OSBPL10: variants seen among roughly 807,000 people sequenced by gnomAD.
The protein encoded by OSBPL10 is oxysterol-binding protein-related protein 10.
OSBPL10 carries 49 observed loss-of-function variants against 81.7 expected under a neutral mutation model. That is an observed-to-expected ratio of 0.60 (90% CI 0.48 to 0.76). The LOEUF (loss-of-function observed/expected upper bound fraction) is 0.76, where lower values mean the gene tolerates loss of function less well. Among genes scored for constraint, OSBPL10 ranks in the 30% least tolerant of loss-of-function variants. The probability of loss-of-function intolerance (pLI) is 0.00; values close to 1 mark genes in which losing one functional copy is unlikely to be tolerated. For missense variants in OSBPL10, 923 were observed against 987.8 expected (o/e 0.93, Z 0.88); for synonymous variants, 419 against 383.6 (o/e 1.09, Z -1.08).
intron 1 of OSBPL10, among the ~76,000 whole-genome samples, chr3:31,934,224 A>G (rs1322206136): frequency 3.3e-5 from 5 of 151,986 alleles, no homozygotes; most frequent in African/African-American, 1.2e-4. Context: ...GGTAACAGCT[A>G]CTCAGGAGGC....
intron 7 of OSBPL10, among the ~76,000 whole-genome samples, chr3:31,691,139 TC>T (rs758414315): frequency 1.2e-4 from 18 of 152,094 alleles, no homozygotes; most frequent in African/African-American, 1.7e-4. Flanking sequence ...TGCCTTTTCT[TC>T]CGTTAACATA....
At position 31,913,251 on chromosome 3, in the gene OSBPL10, T is replaced by C. The variant is rs574142758; in HGVS notation, c.282-33421A>G. ...AGGTTTTTTTTTTTATTTTGTTTTTTGTTTTTTTTTTCTTTAAGATGGAGT... is the reference window on the plus strand; with the variant it reads ...AGGTTTTTTTTTTTATTTTGTTTTTCGTTTTTTTTTTCTTTAAGATGGAGT... On this transcript the variant is annotated intron_variant, in intron 1 of 11. Coordinates refer to ENST00000396556, the MANE Select transcript of OSBPL10 (RefSeq NM_017784.5). 7.9e-5 allele frequency among the ~76,000 whole-genome samples: 12 copies of C among 151,502 alleles called. No individual in the cohort carries two copies. The South Asian group carries it at 1.0e-3, about 13-fold the overall frequency.
intron 5 of OSBPL10, among the ~76,000 whole-genome samples, chr3:31,745,636 G>A (rs1697496388): frequency 6.6e-6 from 1 of 152,180 alleles, no homozygotes; most frequent in South Asian, 2.1e-4. Flanking sequence ...CTGCCACAGT[G>A]GAAAGAGCCT....
At chr3:31,853,168 A>G (rs1482593256) in intron 3 of OSBPL10, among the ~76,000 whole-genome samples, 2 of 152,216 alleles carry the variant, frequency 1.3e-5, no homozygotes, top group Non-Finnish European at 2.9e-5. Flanking sequence ...TGAAAAATAA[A>G]TATCCTAATA....
At chr3:31,889,172 A>C (rs1327361199) in intron 1 of OSBPL10, among the ~76,000 whole-genome samples, 1 of 152,210 alleles carries the variant, frequency 6.6e-6, no homozygotes, top group East Asian at 1.9e-4. Context: ...GAAGATACAA[A>C]GAAAAGGGAA....
At chr3:32,032,354 G>C (rs1699477816) in intron 2 of OSBPL10, among the ~76,000 whole-genome samples, 1 of 152,130 alleles carries the variant, frequency 6.6e-6, no homozygotes, top group African/African-American at 2.4e-5. Flanking sequence ...GGCAGAGGTT[G>C]CAGTGAGCCG....
At chr3:31,671,127 C>T (rs1700313973) in intron 8 of OSBPL10, 144 bp from the exon 9 acceptor site, 6 of 774,304 alleles carry the variant, frequency 7.7e-6, no homozygotes, top group Non-Finnish European at 1.2e-5. Flanking sequence ...TGCTCGTTCA[C>T]TGTGGGCTCT....
In OSBPL10 at chr3:31,702,488, C is replaced by A; in HGVS notation, c.1116G>T (p.Leu372Phe). Residue 372 changes from leucine (L) to phenylalanine (F), a missense_variant, in exon 7 of 12, where the codon TTG (leucine) becomes TTT (phenylalanine). Leu to Phe is a conservative substitution (Grantham distance 22). Transcript: ENST00000396556. ...PEPEPNSGSE[L>F]VLSEDEKSDN... ...CACTTTTTTCATCTTCAGACAAAAC[C>A]AATTCAGAGCCTGAGTTTGGCTAAA... The A allele has an allele frequency of 6.2e-7, 1 of 1,614,164 alleles. No individual in the cohort carries two copies. Among genetic ancestry groups the A allele is most frequent in the Non-Finnish European group, 8.5e-7 (1 of 1,180,012 alleles).
At chr3:31,935,670 A>AC in intron 1 of OSBPL10, among the ~76,000 whole-genome samples, 1 of 151,408 alleles carries the variant, frequency 6.6e-6, no homozygotes, top group East Asian at 2.0e-4. Context: ...ATTACAGGTG[A>AC]CCCCCACCAC....
intron 4 of OSBPL10, among the ~76,000 whole-genome samples, chr3:31,766,489 C>A (rs1902338): frequency 0.57 from 86,566 of 151,566 alleles, 28,669 homozygotes; most frequent in East Asian, 0.8. Flanking sequence ...AGTATAGGCT[C>A]ACACCATGAC....
intron 1 of OSBPL10, among the ~76,000 whole-genome samples, chr3:31,952,776 T>C (rs1224631872): frequency 6.6e-6 from 1 of 152,104 alleles, no homozygotes; most frequent in Non-Finnish European, 1.5e-5. Flanking sequence ...CCTTGTGTGG[T>C]TATTAGAATT....
At chr3:31,701,953 C>CGT in intron 7 of OSBPL10, 2 of 165,166 alleles carry the variant, frequency 1.2e-5, no homozygotes, top group South Asian at 1.8e-4. Context: ...TTCCTGGTGC[C>CGT]ACCATTTCCC....
intron 1 of OSBPL10, among the ~76,000 whole-genome samples, chr3:31,920,020 T>C (rs1322666893): frequency 6.6e-6 from 1 of 152,222 alleles, no homozygotes; most frequent in East Asian, 1.9e-4. Context: ...GAATAATGAC[T>C]ATGAGTTCTG....
At chr3:32,016,426 T>C (rs1559549789) in intron 2 of OSBPL10, among the ~76,000 whole-genome samples, 1 of 151,864 alleles carries the variant, frequency 6.6e-6, no homozygotes, top group Non-Finnish European at 1.5e-5. Flanking sequence ...AAGGGGAACA[T>C]CACACACTGG....
At chr3:32,041,498 G>A (rs1413387951) in intron 2 of OSBPL10, among the ~76,000 whole-genome samples, 1 of 152,052 alleles carries the variant, frequency 6.6e-6, no homozygotes, top group East Asian at 1.9e-4. Context: ...AGCACACTTA[G>A]GACAGGCTTT....
intron 5 of OSBPL10, among the ~76,000 whole-genome samples, chr3:31,740,728 G>C (rs1265343212): frequency 6.6e-6 from 1 of 151,498 alleles, no homozygotes; most frequent in Non-Finnish European, 1.5e-5. Flanking sequence ...GATTGTGCCT[G>C]TGAAGAGCTA....
At chr3:31,926,802 C>T (rs1291633887) in intron 1 of OSBPL10, among the ~76,000 whole-genome samples, 1 of 152,132 alleles carries the variant, frequency 6.6e-6, no homozygotes, top group Non-Finnish European at 1.5e-5. Context: ...ACTTCCTCAG[C>T]CACCTACAAA....
chr3:31,703,494 A>G (rs902030967), intron 6 of OSBPL10: 1 of 152,240 alleles, frequency 6.6e-6, no homozygotes, highest in African/African-American at 2.4e-5. Context: ...CCAAATGTCC[A>G]TGCAAAAAAC....
intron 8 of OSBPL10, among the ~76,000 whole-genome samples, chr3:31,681,819 A>T (rs556182034): frequency 3.9e-4 from 60 of 152,228 alleles, no homozygotes; most frequent in Non-Finnish European, 6.0e-4. Flanking sequence ...TAAATATTTT[A>T]TCTCAGCCAG....
Sources: allele counts gnomAD v4.1 joint callset (sites outside exome capture counted in the v4.1 genomes callset), GRCh38; gene constraint gnomAD v4.1.1; transcripts MANE v1.5; gene names NCBI Gene and HGNC (gene_info 2026-07-23, HGNC 2026-07-21).